ZFYVE9: variants seen among roughly 807,000 people sequenced by gnomAD.
The protein encoded by ZFYVE9 is zinc finger FYVE domain-containing protein 9.
Under a neutral mutation model 126.7 loss-of-function variants are expected in ZFYVE9, and 43 were observed. The observed-to-expected ratio is 0.34, with a 90% CI of 0.27 to 0.44. The LOEUF (loss-of-function observed/expected upper bound fraction) is 0.44, where lower values mean the gene tolerates loss of function less well. ZFYVE9 is among the 20% of genes least tolerant of loss of function. The probability of loss-of-function intolerance (pLI) is 1.00; values close to 1 mark genes in which losing one functional copy is unlikely to be tolerated. For missense variants in ZFYVE9, 1,476 were observed against 1,697.0 expected, an observed-to-expected ratio of 0.87 and a Z score of 2.29; for synonymous variants, 521 against 597.4, an observed-to-expected ratio of 0.87 and a Z score of 1.87.
intron 1 of ZFYVE9, chr1:52,162,712 G>GGT (rs1044428350): frequency 1.6e-5 from 5 of 305,076 alleles, no homozygotes; most frequent in African/African-American, 1.1e-4. Context: ...TGTCTTCTCT[G>GGT]GTTAGACATT....
At chr1:52,262,491 T>G (rs1312162955) in intron 4 of ZFYVE9, among the ~76,000 whole-genome samples, 1 of 152,192 alleles carries the variant, frequency 6.6e-6, no homozygotes, top group African/African-American at 2.4e-5. Context: ...CCCTTTGTTC[T>G]CCCTGTATCA....
intron 1 of ZFYVE9, chr1:52,179,717 A>AG: frequency 2.8e-6 from 1 of 359,388 alleles, no homozygotes; most frequent in African/African-American, 2.1e-5. Flanking sequence ...AAATCAATAG[A>AG]GAGTATCAAG....
intron 13 of ZFYVE9, among the ~76,000 whole-genome samples, chr1:52,308,062 T>A (rs1454836903): frequency 6.6e-6 from 1 of 152,222 alleles, no homozygotes; most frequent in African/African-American, 2.4e-5. Flanking sequence ...ACAAACAATT[T>A]TCCTTCTGAT....
At chr1:52,243,613 G>A (rs1440343024) in intron 4 of ZFYVE9, among the ~76,000 whole-genome samples, 3 of 151,182 alleles carry the variant, frequency 2.0e-5, no homozygotes, top group Non-Finnish European at 4.4e-5. Context: ...AGTGAACGAG[G>A]GAAGAGTCAC....
chr1:52,173,128 G>T (rs1478356041), intron 1 of ZFYVE9, among the ~76,000 whole-genome samples: 1 of 151,960 alleles, frequency 6.6e-6, no homozygotes, highest in Non-Finnish European at 1.5e-5. Flanking sequence ...GTATGATATT[G>T]GCTGTTGGTT....
chr1:52,217,849 C>CT (rs997135754), intron 2 of ZFYVE9, among the ~76,000 whole-genome samples: 5 of 152,144 alleles, frequency 3.3e-5, no homozygotes, highest in Non-Finnish European at 7.3e-5. Context: ...TAGACTCTGC[C>CT]TTTTTTGGCC....
At chr1:52,342,174 T>G (rs1173695242) in intron 17 of ZFYVE9, among the ~76,000 whole-genome samples, 2 of 152,110 alleles carry the variant, frequency 1.3e-5, no homozygotes, top group African/African-American at 4.8e-5. Flanking sequence ...TCCTTTGTAG[T>G]CCTCTCAGTG....
intron 10 of ZFYVE9, among the ~76,000 whole-genome samples, chr1:52,291,308 G>A (rs1004119865): frequency 2.6e-5 from 4 of 152,144 alleles, no homozygotes; most frequent in Non-Finnish European, 5.9e-5. Context: ...AGGATGCAAA[G>A]ACCCATAACC....
At chr1:52,260,673 T>C (rs1360143279) in intron 4 of ZFYVE9, among the ~76,000 whole-genome samples, 1 of 152,014 alleles carries the variant, frequency 6.6e-6, no homozygotes, top group African/African-American at 2.4e-5. Context: ...AAAAATTAGC[T>C]GGGCATGGTG....
chr1:52,233,091 G>T, intron 2 of ZFYVE9, 80 bp from the exon 3 acceptor site: 1 of 538,448 alleles, frequency 1.9e-6, no homozygotes. Context: ...ATTTATAAGA[G>T]ATTTTATCCT....
chr1:52,253,529 C>G lies in ZFYVE9; in HGVS notation c.2179-10244C>G, dbSNP rs1162428713. 1.3e-5 allele frequency: 9 copies of G among 676,850 alleles called. No individual in the cohort carries two copies. The Admixed American group carries it at 2.2e-4, about 16-fold the overall frequency. The allele number at this position is 676,850 out of a possible 1,614,324, so 41.9% of individuals were successfully genotyped here. A position where few individuals can be genotyped will look rare whatever the true frequency, so the allele number is the denominator to read the frequency against. ...GCCACACGTGGGTCGCTGGGGAACC[C>G]AGGCTGTCCTAGGAAGCCGAGTGGG... On this transcript the variant is annotated intron_variant, in intron 4 of 18. Transcript: ENST00000287727.
At chr1:52,204,424 C>T (rs1644954209) in intron 1 of ZFYVE9, among the ~76,000 whole-genome samples, 1 of 152,036 alleles carries the variant, frequency 6.6e-6, no homozygotes, top group South Asian at 2.1e-4. Context: ...GAGGGCAGAC[C>T]GTATTAAGAA....
chr1:52,176,823 G>A (rs569101840), intron 1 of ZFYVE9, among the ~76,000 whole-genome samples: 25 of 152,290 alleles, frequency 1.6e-4, no homozygotes, highest in African/African-American at 5.1e-4. Flanking sequence ...CTCCTGGTGC[G>A]CCGTTTCCTA....
intron 13 of ZFYVE9, among the ~76,000 whole-genome samples, chr1:52,320,228 G>A (rs1433470425): frequency 6.6e-6 from 1 of 151,604 alleles, no homozygotes; most frequent in Non-Finnish European, 1.5e-5. Flanking sequence ...ATGCCACCAC[G>A]CCCAGCTAAT....
chr1:52,288,283 C>CCT (rs1212527355), intron 10 of ZFYVE9, among the ~76,000 whole-genome samples: 11 of 152,130 alleles, frequency 7.2e-5, no homozygotes, highest in Non-Finnish European at 1.5e-4. Context: ...ATAAGAAGTA[C>CCT]TATAGTGTCT....
At chr1:52,219,567 G>C (rs543177159) in intron 2 of ZFYVE9, among the ~76,000 whole-genome samples, 1 of 151,800 alleles carries the variant, frequency 6.6e-6, no homozygotes, top group South Asian at 2.1e-4. Context: ...GGCTGGTGTC[G>C]GTGAATTGGG....
At chr1:52,235,819 C>G (rs144960747) in intron 3 of ZFYVE9, among the ~76,000 whole-genome samples, 30 of 152,204 alleles carry the variant, frequency 2.0e-4, no homozygotes, top group South Asian at 6.2e-4. Context: ...GCTCGCTTAC[C>G]TCATCCTGGA....
chr1:52,257,645 A>G (rs972975059), intron 4 of ZFYVE9, among the ~76,000 whole-genome samples: 2 of 152,186 alleles, frequency 1.3e-5, no homozygotes, highest in Non-Finnish European at 2.9e-5. Context: ...GCTCTAGATT[A>G]TTTTCTGAAT....
At chr1:52,286,983 A>G (rs764955946) in intron 10 of ZFYVE9, among the ~76,000 whole-genome samples, 1 of 152,126 alleles carries the variant, frequency 6.6e-6, no homozygotes, top group Non-Finnish European at 1.5e-5. Context: ...CAATCCTATC[A>G]GTTGTCCTAA....
Sources: allele counts gnomAD v4.1 joint callset (sites outside exome capture counted in the v4.1 genomes callset), GRCh38; gene constraint gnomAD v4.1.1; transcripts MANE v1.5; gene names NCBI Gene and HGNC (gene_info 2026-07-23, HGNC 2026-07-21).